The following ST18 variants were observed in gnomAD, a reference collection of about 807,000 sequenced individuals.
The protein encoded by ST18 is suppression of tumorigenicity 18 protein.
In ST18, 50 loss-of-function variants were observed where a neutral mutation model predicts 110.0. That is an observed-to-expected ratio of 0.45 (90% confidence interval 0.36 to 0.58). The LOEUF is 0.58. ST18 is among the 20% of genes least tolerant of loss of function. The pLI is 0.00. For missense variants in ST18, 1,306 were observed against 1,280.1 expected (o/e 1.02, Z -0.31); for synonymous variants, 461 against 452.4 (o/e 1.02, Z -0.24).
chr8:52,255,335 T>A (rs912355229), intron 2 of ST18, among the ~76,000 whole-genome samples: 7 of 152,240 alleles, frequency 4.6e-5, no homozygotes, highest in Middle Eastern at 3.4e-3. Flanking sequence ...CCCTTCCCAC[T>A]CCTAATAGTA....
Position 52,161,396 on chromosome 8 carries a change from T to G in ST18, c.1573A>C (p.Lys525Gln). Residue 525 changes from lysine (K) to glutamine (Q), a missense_variant, in exon 14 of 26, where the codon AAA (lysine) becomes CAA (glutamine). Lys to Gln is a moderately conservative substitution (Grantham distance 53). Transcript: ENST00000689386. ...TTACATTCAGGAAATGGTGGTGTTTTTCGTCCTTGCACTGTTTGTATGAGA... is the reference window on the plus strand; with the variant it reads ...TTACATTCAGGAAATGGTGGTGTTTGTCGTCCTTGCACTGTTTGTATGAGA... ...RPLIQTVQGRKTPPFPESKHF... is the reference protein window; with the variant it reads ...RPLIQTVQGRQTPPFPESKHF... 6.2e-7 allele frequency: 1 copy of G among 1,613,912 alleles called. No homozygotes were observed. The highest frequency in any genetic ancestry group is 8.5e-7 in the Non-Finnish European group (1 of 1,179,920).
chr8:52,367,889 T>A (rs1433707880), intron 2 of ST18, among the ~76,000 whole-genome samples: 1 of 152,228 alleles, frequency 6.6e-6, no homozygotes, highest in Non-Finnish European at 1.5e-5. Context: ...TGCCTTGTTT[T>A]CTTGACCTTT....
intron 17 of ST18, among the ~76,000 whole-genome samples, chr8:52,139,227 T>C (rs2131888739): frequency 6.6e-6 from 1 of 152,330 alleles, no homozygotes; most frequent in African/African-American, 2.4e-5. Context: ...CTGAACATTA[T>C]ACAACTGGAG....
At chr8:52,386,471 T>TAA (rs541880234) in intron 2 of ST18, among the ~76,000 whole-genome samples, 4 of 143,500 alleles carry the variant, frequency 2.8e-5, no homozygotes, top group African/African-American at 7.6e-5. Flanking sequence ...TTTTTTTTCT[T>TAA]AAAAAAAAAA....
At chr8:52,339,452 CT>C (rs1167181815) in intron 2 of ST18, among the ~76,000 whole-genome samples, 1 of 152,244 alleles carries the variant, frequency 6.6e-6, no homozygotes, top group Non-Finnish European at 1.5e-5. Context: ...GAGGTAAGCT[CT>C]GTCCTGCTCA....
rs572048425 is a variant in ST18 at position 52,193,471 on chromosome 8, A to G, written c.87-13159T>C. ...CAGGACCGACTCTGAAGAGGAATCTATCACCAAAGCTCTTGGCAGAGTTGG... is the reference window on the plus strand; with the variant it reads ...CAGGACCGACTCTGAAGAGGAATCTGTCACCAAAGCTCTTGGCAGAGTTGG... On this transcript the variant is annotated intron_variant, in intron 8 of 25. Transcript: ENST00000689386. Among the ~76,000 whole-genome samples the G allele has an allele frequency of 1.6e-4, 25 of 152,356 alleles. 1 individual carries two copies. The South Asian group carries it at 5.2e-3, about 32-fold the overall frequency.
At position 52,280,510 on chromosome 8, in the gene ST18, C is replaced by T. The variant is rs373622582; in HGVS notation, c.-464-50433G>A. On this transcript the variant is annotated intron_variant, in intron 2 of 25. Transcript: ENST00000689386. ...CACCTAGACCTTAAGAACAAAAAGCCGAAAGTAAAAAGTTGTAAAATGTTG... is the reference window on the plus strand; with the variant it reads ...CACCTAGACCTTAAGAACAAAAAGCTGAAAGTAAAAAGTTGTAAAATGTTG... Among the ~76,000 whole-genome samples the T allele has an allele frequency of 1.7e-3, 261 of 151,094 alleles. 1 individual carries two copies. The highest frequency in any genetic ancestry group is 4.2e-3 in the South Asian group (20 of 4,730).
At chr8:52,340,939 C>CTGAG (rs531761770) in intron 2 of ST18, among the ~76,000 whole-genome samples, 145 of 152,328 alleles carry the variant, frequency 9.5e-4, no homozygotes, top group African/African-American at 3.4e-3. Flanking sequence ...TGCCTCTTTC[C>CTGAG]TGAGTTTAAA....
At position 52,400,913 on chromosome 8, in the gene ST18, C is replaced by A. The variant is rs192376555; in HGVS notation, c.-465+8415G>T. On this transcript the variant is annotated intron_variant, in intron 2 of 25. Coordinates refer to ENST00000689386, the MANE Select transcript of ST18 (RefSeq NM_001352837.2). ...TTGACAATAAATGTACCTCTACTGG[C>A]GAGTTTTATATTGTCATATGTTTTC... Among the ~76,000 whole-genome samples the A allele has an allele frequency of 2.2e-4, 34 of 152,120 alleles. No homozygotes were observed. The East Asian group carries it at 6.2e-3, about 28-fold the overall frequency.
At chr8:52,140,396 G>C (rs937062407) in intron 17 of ST18, among the ~76,000 whole-genome samples, 1 of 152,140 alleles carries the variant, frequency 6.6e-6, no homozygotes, top group Non-Finnish European at 1.5e-5. Context: ...CGGGTGTGGT[G>C]GTGGGCGCCT....
At chr8:52,400,501 C>G (rs1842536073) in intron 2 of ST18, among the ~76,000 whole-genome samples, 2 of 151,934 alleles carry the variant, frequency 1.3e-5, no homozygotes, top group Non-Finnish European at 2.9e-5. Flanking sequence ...TTTTTCCTTT[C>G]TTCCTCTTTT....
intron 17 of ST18, chr8:52,137,961 C>G (rs1040571755): frequency 6.3e-6 from 1 of 159,076 alleles, no homozygotes; most frequent in African/African-American, 2.4e-5. Context: ...ATTAGCCAGG[C>G]ATGGTGGTGC....
At chr8:52,136,500 T>C (rs1220979102) in intron 19 of ST18, 90 bp downstream of exon 19, 1 of 1,309,508 alleles carries the variant, frequency 7.6e-7, no homozygotes. Flanking sequence ...ATACTGCTTG[T>C]TGCTGATCAC....
At chr8:52,189,099 A>T (rs992094441) in intron 8 of ST18, among the ~76,000 whole-genome samples, 2 of 152,126 alleles carry the variant, frequency 1.3e-5, no homozygotes, top group Non-Finnish European at 2.9e-5. Flanking sequence ...CACACTGGAG[A>T]TGATGAATAC....
At chr8:52,157,849 C>A (rs925773606) in intron 15 of ST18, among the ~76,000 whole-genome samples, 2 of 152,248 alleles carry the variant, frequency 1.3e-5, no homozygotes, top group Non-Finnish European at 2.9e-5. Context: ...CTGACCATGC[C>A]GGGGACCGGC....
chr8:52,149,021 C>T lies in ST18; in HGVS notation c.2052+711G>A, dbSNP rs576927378. On this transcript the variant is annotated intron_variant, in intron 16 of 25. Transcript: ENST00000689386. ...GGCCACATCTGCAATTACACAGAGT[C>T]TAAACAACCGAGGGTTCTGGCTGTC... 1.6e-4 allele frequency among the ~76,000 whole-genome samples: 24 copies of T among 152,338 alleles called. 1 individual carries two copies. The South Asian group carries it at 3.7e-3, about 24-fold the overall frequency.
chr8:52,337,962 C>A (rs1452338136), intron 2 of ST18, among the ~76,000 whole-genome samples: 1 of 152,176 alleles, frequency 6.6e-6, no homozygotes, highest in East Asian at 1.9e-4. Context: ...ACAATATCTA[C>A]CAGTTTAAGA....
chr8:52,300,892 A>G (rs960728102), intron 2 of ST18, among the ~76,000 whole-genome samples: 2 of 152,226 alleles, frequency 1.3e-5, no homozygotes, highest in African/African-American at 4.8e-5. Flanking sequence ...GAGATGTGAG[A>G]GACAGAAAGA....
intron 7 of ST18, 81 bp from the exon 8 acceptor site, chr8:52,212,190 C>G: frequency 7.3e-7 from 1 of 1,368,520 alleles, no homozygotes; most frequent in East Asian, 2.3e-5. Flanking sequence ...TTTCCCCCAC[C>G]TAGAGGTAAC....
Sources: gnomAD v4.1 joint callset for allele counts (sites outside exome capture counted in the v4.1 genomes callset) on GRCh38, gnomAD v4.1.1 for gene constraint, MANE v1.5 for transcripts, NCBI Gene and HGNC (gene_info 2026-07-23, HGNC 2026-07-21) for gene names.